Variants in MTUS2 observed in about 807,000 individuals in gnomAD.
MTUS2 encodes microtubule-associated tumor suppressor candidate 2.
Under a neutral mutation model 114.1 loss-of-function variants are expected in MTUS2, and 40 were observed. That is an observed-to-expected ratio of 0.35 (90% CI 0.27 to 0.46). MTUS2 has a LOEUF of 0.46. MTUS2 is among the 20% of genes least tolerant of loss of function. The probability of loss-of-function intolerance (pLI) is 1.00; values close to 1 mark genes in which losing one functional copy is unlikely to be tolerated. For missense variants in MTUS2, 1,679 were observed against 1,705.4 expected (o/e 0.98, Z 0.27); for synonymous variants, 688 against 672.0 (o/e 1.02, Z -0.37).
Position 29,373,408 on chromosome 13 carries a change from C to T in MTUS2, c.3117+13935C>T, listed in dbSNP as rs537812820. 4.0e-4 allele frequency among the ~76,000 whole-genome samples: 61 copies of T among 152,168 alleles called. 1 individual carries two copies. The highest frequency in any genetic ancestry group is 1.2e-3 in the African/African-American group (48 of 41,546). ...TAACTAAAGGCCCAGCTTTTTGGCTCGAGGACTAACAAGGGGGGCACCCAG... is the reference window on the plus strand; with the variant it reads ...TAACTAAAGGCCCAGCTTTTTGGCTTGAGGACTAACAAGGGGGGCACCCAG... On this transcript the variant is annotated intron_variant, in intron 8 of 15. Transcript: ENST00000612955.
intron 11 of MTUS2, chr13:29,490,036 CT>C (rs530301742): frequency 2.4e-4 from 36 of 152,096 alleles, no homozygotes; most frequent in Non-Finnish European, 4.6e-4. Flanking sequence ...CATTCCAGGT[CT>C]TTGAATTATA....
At chr13:28,886,060 C>G (rs1179923478) in intron 2 of MTUS2, among the ~76,000 whole-genome samples, 1 of 152,066 alleles carries the variant, frequency 6.6e-6, no homozygotes, top group Admixed American at 6.5e-5. Context: ...TGGAATGTGC[C>G]TGGTGTGGCA....
At chr13:29,107,395 G>T (rs746582885) in intron 5 of MTUS2, among the ~76,000 whole-genome samples, 2 of 152,028 alleles carry the variant, frequency 1.3e-5, no homozygotes, top group Non-Finnish European at 2.9e-5. Context: ...TTATGTAAGG[G>T]TATGGAAAAA....
intron 8 of MTUS2, among the ~76,000 whole-genome samples, chr13:29,361,928 T>C (rs1414421369): frequency 6.6e-6 from 1 of 152,184 alleles, no homozygotes; most frequent in East Asian, 1.9e-4. Context: ...GAGGACGCAG[T>C]GCTAACCCAG....
intron 2 of MTUS2, among the ~76,000 whole-genome samples, chr13:28,894,715 C>T (rs73437237): frequency 0.023 from 3,569 of 152,250 alleles, 138 homozygotes; most frequent in African/African-American, 0.08. Flanking sequence ...CTGATAGAGA[C>T]AGGCCAAGAT....
intron 2 of MTUS2, among the ~76,000 whole-genome samples, chr13:28,958,083 C>T (rs1182280396): frequency 6.6e-6 from 1 of 152,192 alleles, no homozygotes; most frequent in Non-Finnish European, 1.5e-5. Context: ...GAATTGTCAG[C>T]GTTGGCTGTG....
At chr13:29,445,216 G>A (rs1878190596) in intron 9 of MTUS2, among the ~76,000 whole-genome samples, 1 of 152,226 alleles carries the variant, frequency 6.6e-6, no homozygotes. Flanking sequence ...GCCCTAGTGA[G>A]TGCTGTTTTC....
chr13:29,131,575 A>G (rs1031371593), intron 5 of MTUS2, among the ~76,000 whole-genome samples: 6 of 152,256 alleles, frequency 3.9e-5, no homozygotes, highest in African/African-American at 1.2e-4. Context: ...TTTTTCCACA[A>G]GGAAACAGGA....
intron 5 of MTUS2, among the ~76,000 whole-genome samples, chr13:29,116,118 G>A (rs1173444398): frequency 2.0e-5 from 3 of 152,106 alleles, no homozygotes; most frequent in Non-Finnish European, 4.4e-5. Context: ...TCCATGCCTG[G>A]CCCCTAGGCC....
chr13:29,102,202 T>C (rs1482223448), intron 5 of MTUS2, among the ~76,000 whole-genome samples: 1 of 152,212 alleles, frequency 6.6e-6, no homozygotes, highest in Non-Finnish European at 1.5e-5. Flanking sequence ...TGCATGTGCA[T>C]ATTAGCAGTC....
intron 5 of MTUS2, among the ~76,000 whole-genome samples, chr13:29,232,306 G>GCA (rs1292889706): frequency 4.7e-5 from 2 of 42,996 alleles, no homozygotes; most frequent in African/African-American, 1.8e-4. Flanking sequence ...ACGCGCGCGC[G>GCA]CACACACACA....
At chr13:29,179,988 A>G (rs1392625091) in intron 5 of MTUS2, among the ~76,000 whole-genome samples, 2 of 152,250 alleles carry the variant, frequency 1.3e-5, no homozygotes, top group African/African-American at 2.4e-5. Context: ...AGAAATCAGA[A>G]CATAAACTGT....
chr13:29,025,574 A>G lies in MTUS2; in HGVS notation c.876A>G (p.Glu292=). 6.2e-7 allele frequency: 1 copy of G among 1,614,008 alleles called. No individual in the cohort carries two copies. Among genetic ancestry groups the G allele is most frequent in the Non-Finnish European group, 8.5e-7 (1 of 1,179,880 alleles). The change falls in exon 3 of 16, where the codon GAA becomes GAG. Residue 292 remains glutamate (E), a synonymous_variant. Transcript: ENST00000612955. ...TGAATTTGACTTTGGCATCGAAGGA[A>G]ATCCCAAGTAAACTGGAAGCACAAT... The part of the protein sequence containing the change: ...PALNLTLASK[E]IPSKLEAQLG...
At chr13:29,074,601 TC>T (rs1229337551) in intron 4 of MTUS2, among the ~76,000 whole-genome samples, 2 of 152,182 alleles carry the variant, frequency 1.3e-5, no homozygotes, top group African/African-American at 2.4e-5. Context: ...AGCTTTACTG[TC>T]CCTGAGGTAA....
chr13:29,395,590 T>C (rs1490671810), intron 8 of MTUS2, among the ~76,000 whole-genome samples: 1 of 152,186 alleles, frequency 6.6e-6, no homozygotes, highest in Non-Finnish European at 1.5e-5. Context: ...GGGTTTGCTG[T>C]ATTAAGCAAA....
At chr13:29,368,628 T>C (rs1215089018) in intron 8 of MTUS2, among the ~76,000 whole-genome samples, 1 of 146,094 alleles carries the variant, frequency 6.8e-6, no homozygotes, top group Non-Finnish European at 1.5e-5. Context: ...TATGTATCCA[T>C]AAAAAATAAT....
chr13:29,487,837 G>A (rs1018100043), intron 10 of MTUS2, 63 bp from the exon 11 acceptor site: 28 of 1,308,228 alleles, frequency 2.1e-5, no homozygotes, highest in East Asian at 4.6e-5. Flanking sequence ...TTCCACTCAC[G>A]GAATTCCACT....
chr13:29,471,741 A>ACCCC (rs1880316161), intron 9 of MTUS2, among the ~76,000 whole-genome samples: 2 of 120,876 alleles, frequency 1.7e-5, no homozygotes, highest in South Asian at 2.5e-4. Flanking sequence ...CTGCAGGCCC[A>ACCCC]GCCCCCCCCG....
chr13:29,255,765 C>T (rs1211748053), intron 5 of MTUS2, among the ~76,000 whole-genome samples: 3 of 152,054 alleles, frequency 2.0e-5, no homozygotes, highest in African/African-American at 7.2e-5. Context: ...AGGGACAGTG[C>T]TACCTAGGAG....
Sources: gnomAD v4.1 joint callset for allele counts (sites outside exome capture counted in the v4.1 genomes callset) on GRCh38, gnomAD v4.1.1 for gene constraint, MANE v1.5 for transcripts, NCBI Gene and HGNC (gene_info 2026-07-23, HGNC 2026-07-21) for gene names.